Variants in NLRP5 observed in about 807,000 individuals in gnomAD.
NLRP5 encodes the protein NACHT, LRR and PYD domains-containing protein 5.
NLRP5 carries 93 observed loss-of-function variants against 113.1 expected under a neutral mutation model. The ratio of observed to expected loss-of-function variants is 0.82; its 90% CI spans 0.70 to 0.98. The LOEUF (loss-of-function observed/expected upper bound fraction) is 0.98. Ranked by LOEUF, NLRP5 falls within the 50% of genes least tolerant of loss-of-function variation. The pLI is 0.00. For missense variants in NLRP5, 1,808 were observed against 1,514.3 expected, an observed-to-expected ratio of 1.19 and a Z score of -3.22; for synonymous variants, 751 against 600.7, an observed-to-expected ratio of 1.25 and a Z score of -3.66.
At chr19:56,055,638 C>T (rs533015526) in intron 13 of NLRP5, among the ~76,000 whole-genome samples, 5 of 148,632 alleles carry the variant, frequency 3.4e-5, no homozygotes, top group Admixed American at 6.8e-5. Context: ...CTCCGCCTCC[C>T]AGGTTCACCC....
rs71296979 is a variant in NLRP5, at chr19:56,009,339, C to CAAAAAAAAAAAAAAAAAAAAAAAA, written c.508+506_508+507insAAAAAAAAAAAAAAAAAAAAAAAA. Among the ~76,000 whole-genome samples, 8 of 44,314 alleles carry CAAAAAAAAAAAAAAAAAAAAAAAA rather than the reference C, an allele frequency of 1.8e-4. 1 individual carries two copies. Among genetic ancestry groups the CAAAAAAAAAAAAAAAAAAAAAAAA allele is most frequent in the Admixed American group, 3.8e-4 (1 of 2,650 alleles). The allele number at this position is 44,314 out of a possible 152,430, so 29.1% of individuals were successfully genotyped here. A position where few individuals can be genotyped will look rare whatever the true frequency, so the allele number is the denominator to read the frequency against. On this transcript the variant is annotated intron_variant, in intron 3 of 14. Transcript: ENST00000390649. ...TGGGCGACAGAACGAGACTCCATCTCAAAAAAAAAAAAAAAAAAAAGAGTT... is the reference window on the plus strand; with the variant it reads ...TGGGCGACAGAACGAGACTCCATCTCAAAAAAAAAAAAAAAAAAAAAAAAAAAAAAAAAAAAAAAAAAAAGAGTT...
At chr19:56,019,229 T>A in intron 4 of NLRP5, 113 bp from the exon 5 acceptor site, 1 of 1,221,760 alleles carries the variant, frequency 8.2e-7, no homozygotes, top group Non-Finnish European at 1.2e-6. Context: ...GTTGCCATGT[T>A]TTCAACTGGC....
At chr19:55,999,926 G>T in intron 1 of NLRP5, 1 of 698,970 alleles carries the variant, frequency 1.4e-6, no homozygotes, top group Non-Finnish European at 2.6e-6. Context: ...ACTCCCCGGG[G>T]TAGAAAGAAA....
chr19:56,050,273 C>T, intron 11 of NLRP5, 145 bp from the exon 12 acceptor site: 1 of 611,434 alleles, frequency 1.6e-6, no homozygotes. Flanking sequence ...GAGCAAGACT[C>T]CTCAAAAAAA....
chr19:56,047,198 T>C (rs1243145870), intron 11 of NLRP5, among the ~76,000 whole-genome samples: 2 of 152,184 alleles, frequency 1.3e-5, no homozygotes, highest in Non-Finnish European at 2.9e-5. Flanking sequence ...CAGCTTTTTG[T>C]TTCATTTATC....
rs1216879300 is a variant in NLRP5, at chr19:56,027,708, C to T, written c.1475C>T (p.Ala492Val). 1.2e-6 allele frequency: 2 copies of T among 1,613,384 alleles called. No homozygotes were observed. Among genetic ancestry groups the T allele is most frequent in the African/African-American group, 1.3e-5 (1 of 74,884 alleles). Residue 492 changes from alanine (A) to valine (V), a missense_variant, in exon 7 of 15, where the codon GCC (alanine) becomes GTC (valine). Coordinates refer to ENST00000390649, the MANE Select transcript of NLRP5 (RefSeq NM_153447.4). Reference sequence around the variant, plus strand: ...CAGGACGTGGTGGGGGAGAGCGTCGCCCCCTTCAACCAAACGCTCACAGGC... The same window carrying T: ...CAGGACGTGGTGGGGGAGAGCGTCGTCCCCTTCAACCAAACGCTCACAGGC...
chr19:56,028,278 G>A lies in NLRP5; in HGVS notation c.2045G>A (p.Gly682Glu). 6.2e-7 allele frequency: 1 copy of A among 1,614,000 alleles called. No individual in the cohort carries two copies. Among genetic ancestry groups the A allele is most frequent in the Non-Finnish European group, 8.5e-7 (1 of 1,179,896 alleles). Reference sequence around the variant, plus strand: ...CAGCAGCCTAATGCCACCACCCCAGGAGACACCCTGGACGCCTTCCACTGT... The same window carrying A: ...CAGCAGCCTAATGCCACCACCCCAGAAGACACCCTGGACGCCTTCCACTGT... The change falls in exon 7 of 15, where the codon GGA becomes GAA. Residue 682 changes from glycine to glutamate, a missense_variant. Physicochemically the swap from Gly to Glu is moderately conservative, Grantham distance 98. Coordinates refer to ENST00000390649, the MANE Select transcript of NLRP5 (RefSeq NM_153447.4).
In NLRP5 at chr19:56,028,614, T is replaced by C; in HGVS notation, c.2276+105T>C. The C allele has an allele frequency of 2.6e-6, 3 of 1,134,566 alleles. No homozygotes were observed. In the South Asian group the frequency reaches 4.5e-5, roughly 17 times the overall value. The allele number at this position is 1,134,566 out of a possible 1,614,324, so 70.3% of individuals were successfully genotyped here. On this transcript the variant is annotated intron_variant, in intron 7 of 14. Transcript: ENST00000390649. Reference sequence around the variant, plus strand: ...GGAACTTCAAGGTCCCAGAGAATTCTTTCAGGATGAATGGCCCAGATGACG... The same window carrying C: ...GGAACTTCAAGGTCCCAGAGAATTCCTTCAGGATGAATGGCCCAGATGACG...
At chr19:56,032,828 T>C in intron 8 of NLRP5, 47 bp downstream of exon 8, 3 of 1,539,138 alleles carry the variant, frequency 1.9e-6, no homozygotes, top group Non-Finnish European at 1.8e-6. Flanking sequence ...CATGACGCTA[T>C]CCCAGCTCTC....
chr19:55,999,310 G>T (rs1362720129), upstream of NLRP5, among the ~76,000 whole-genome samples: 3 of 148,992 alleles, frequency 2.0e-5, no homozygotes, highest in African/African-American at 7.5e-5. Context: ...TGCCTCCCAG[G>T]TTCAAGTGAT....
rs745740832 is a variant in NLRP5 at position 56,027,613 on chromosome 19, C to T, written c.1380C>T (p.Asn460=). 17 of 1,613,788 alleles carry T rather than the reference C, an allele frequency of 1.1e-5. No homozygotes were observed. The highest frequency in any genetic ancestry group is 1.4e-5 in the Non-Finnish European group (16 of 1,179,896). ...CACAAGGGTTGCGTGCGATCATGAA[C>T]AACCGTGAGCTGCTCGACCAGTGCC... The change falls in exon 7 of 15, where the codon AAC becomes AAT. Residue 460 remains asparagine (N), a synonymous_variant. Coordinates refer to ENST00000390649, the MANE Select transcript of NLRP5 (RefSeq NM_153447.4).
intron 10 of NLRP5, among the ~76,000 whole-genome samples, chr19:56,040,508 A>G (rs1024624816): frequency 2.4e-4 from 37 of 152,136 alleles, no homozygotes; most frequent in Admixed American, 2.4e-3. Flanking sequence ...CAGAGGTTGC[A>G]GTGAGCTGAG....
chr19:55,999,963 T>C (rs533263172), intron 1 of NLRP5, among the ~76,000 whole-genome samples: 5 of 152,182 alleles, frequency 3.3e-5, no homozygotes, highest in Admixed American at 3.3e-4. Context: ...AAAAGCCTAT[T>C]ACTTCTCCAG....
intron 2 of NLRP5, among the ~76,000 whole-genome samples, chr19:56,005,204 TAC>T (rs1568481495): frequency 2.2e-5 from 3 of 135,526 alleles, no homozygotes; most frequent in Non-Finnish European, 4.7e-5. Flanking sequence ...TATATACACA[TAC>T]ACATACACAC....
rs115306818 is a variant in NLRP5, at chr19:56,044,772, G to A, written c.2957+3680G>A. ...ATGGTGGTATTTTGATGGGGATTGC[G>A]TTGAATTTTGTAGATTGCTTTGGCA... On this transcript the variant is annotated intron_variant, in intron 11 of 14. Transcript: ENST00000390649. Among the ~76,000 whole-genome samples, 866 of 152,168 alleles carry A rather than the reference G, an allele frequency of 5.7e-3. 13 individuals are homozygous for A. The highest frequency in any genetic ancestry group is 0.018 in the African/African-American group (729 of 41,522).
chr19:56,001,470 T>C (rs911512697), intron 1 of NLRP5, among the ~76,000 whole-genome samples: 1 of 152,118 alleles, frequency 6.6e-6, no homozygotes, highest in Admixed American at 6.6e-5. Context: ...ATAATTTATC[T>C]TCTGACTCTC....
At chr19:56,048,461 A>G (rs1983805848) in intron 11 of NLRP5, among the ~76,000 whole-genome samples, 1 of 152,122 alleles carries the variant, frequency 6.6e-6, no homozygotes, top group South Asian at 2.1e-4. Flanking sequence ...AAAAGACTGT[A>G]TCTTTCCTTC....
intron 11 of NLRP5, among the ~76,000 whole-genome samples, chr19:56,043,414 A>G (rs935813060): frequency 2.6e-5 from 4 of 151,548 alleles, no homozygotes; most frequent in Admixed American, 1.3e-4. Context: ...AGAATTGTCT[A>G]TTCATGTCCT....
At chr19:56,055,597 G>C (rs1268082294) in intron 13 of NLRP5, among the ~76,000 whole-genome samples, 3 of 125,188 alleles carry the variant, frequency 2.4e-5, no homozygotes, top group East Asian at 2.4e-4. Context: ...CCAGGCTGGA[G>C]TGCAGTGGCG....
Sources: gnomAD v4.1 joint callset for allele counts (sites outside exome capture counted in the v4.1 genomes callset) on GRCh38, gnomAD v4.1.1 for gene constraint, MANE v1.5 for transcripts, NCBI Gene and HGNC (gene_info 2026-07-23, HGNC 2026-07-21) for gene names.